The following RNPEPL1 variants were observed in gnomAD, a reference collection of about 807,000 sequenced individuals.
RNPEPL1 encodes arginyl aminopeptidase like 1, also known as aminopeptidase RNPEPL1.
RNPEPL1 carries 46 observed loss-of-function variants against 69.0 expected under a neutral mutation model. The observed-to-expected ratio is 0.67, with a 90% CI of 0.53 to 0.85. RNPEPL1 has a LOEUF of 0.85. RNPEPL1 is among the 40% of genes least tolerant of loss of function. RNPEPL1 has a pLI of 0.00. For missense variants in RNPEPL1, 869 were observed against 992.5 expected, an observed-to-expected ratio of 0.88 and a Z score of 1.67; for synonymous variants, 525 against 454.1, an observed-to-expected ratio of 1.16 and a Z score of -1.98.
rs182396445 is a variant in RNPEPL1 at position 240,576,296 on chromosome 2, G to C, written c.1511-239G>C. On this transcript the variant is annotated intron_variant, in intron 8 of 10. Transcript: ENST00000270357. The stretch of plus-strand genomic sequence containing the variant: ...CACCCAGGAGAGGCGTGGAGTGGGT[G>C]CGAGTCCCTTGGTCACCAACCCAAG... The C allele has an allele frequency of 3.0e-4, 176 of 583,918 alleles. No homozygotes were observed. In the East Asian group the frequency reaches 4.8e-3, roughly 16 times the overall value. The allele number at this position is 583,918 out of a possible 1,614,324, so 36.2% of individuals were successfully genotyped here. A position where few individuals can be genotyped will look rare whatever the true frequency, so the allele number is the denominator to read the frequency against.
intron 2 of RNPEPL1, 56 bp from the exon 3 acceptor site, chr2:240,573,054 G>T: frequency 6.6e-7 from 1 of 1,519,014 alleles, no homozygotes; most frequent in South Asian, 1.3e-5. Flanking sequence ...TCCCCGGCCG[G>T]GGCTATGGGT....
At position 240,577,056 on chromosome 2, in the gene RNPEPL1, G is replaced by C. The variant is rs536934431; in HGVS notation, c.1884+66G>C. 32 of 1,591,390 alleles carry C rather than the reference G, an allele frequency of 2.0e-5. No individual in the cohort carries two copies. The South Asian group carries it at 2.4e-4, about 12-fold the overall frequency. Reference sequence around the variant, plus strand: ...GCCGTGCGGACTGGGAGTCCCACCCGACTCCCTAGTCTGAGCCCTTGGGGC... The same window carrying C: ...GCCGTGCGGACTGGGAGTCCCACCCCACTCCCTAGTCTGAGCCCTTGGGGC... On this transcript the variant is annotated intron_variant, in intron 10 of 10. Transcript: ENST00000270357.
At chr2:240,569,335 T>G in intron 1 of RNPEPL1, 3 of 480,898 alleles carry the variant, frequency 6.2e-6, no homozygotes, top group African/African-American at 2.1e-5. Flanking sequence ...CCGGGAAGCC[T>G]CCCGTTCAGG....
intron 1 of RNPEPL1, 97 bp from the exon 2 acceptor site, chr2:240,572,326 C>T (rs1015587647): frequency 2.3e-5 from 33 of 1,406,134 alleles, no homozygotes; most frequent in Non-Finnish European, 3.2e-5. Flanking sequence ...ATTGTCCCCT[C>T]CCAGAGCCTC....
chr2:240,576,116 A>T, intron 8 of RNPEPL1: 1 of 270,964 alleles, frequency 3.7e-6, no homozygotes, highest in Non-Finnish European at 7.1e-6. Flanking sequence ...CAGCAAGTGC[A>T]TCAAGAGCTT....
At chr2:240,573,433 T>C (rs918623639) in intron 3 of RNPEPL1, among the ~76,000 whole-genome samples, 172 bp downstream of exon 3, 2 of 77,464 alleles carry the variant, frequency 2.6e-5, no homozygotes, top group South Asian at 3.6e-4. Context: ...CTGCCACCCA[T>C]GTGCCCTCAG....
chr2:240,573,785 T>G lies in RNPEPL1; in HGVS notation c.832T>G (p.Trp278Gly). Reference protein sequence around the residue: ...PADIGPRSRVWAEPCLLPTAT... With the variant: ...PADIGPRSRVGAEPCLLPTAT... ...CTCTGCATGCACCAGGAGCCGCGTG[T>G]GGGCCGAGCCATGCCTCCTGCCCAC... Residue 278 changes from tryptophan to glycine, a missense_variant, in exon 4 of 11, where the codon TGG becomes GGG. Physicochemically the swap from Trp to Gly is radical, Grantham distance 184 (BLOSUM62 -2). This residue lies in a region of RNPEPL1 where 610 missense variants were observed against 790.9 expected (regional missense o/e 0.77). Coordinates refer to ENST00000270357, the MANE Select transcript of RNPEPL1 (RefSeq NM_018226.6). 6.5e-7 allele frequency: 1 copy of G among 1,542,990 alleles called. No homozygotes were observed. Among genetic ancestry groups the G allele is most frequent in the Non-Finnish European group, 8.7e-7 (1 of 1,142,970 alleles).
rs2093030821 is a variant in RNPEPL1, at chr2:240,574,165, C to T, written c.991C>T (p.Pro331Ser). The change falls in exon 5 of 11, where the codon CCC becomes TCC. Residue 331 changes from proline to serine, a missense_variant. Pro to Ser is a moderately conservative substitution (Grantham distance 74). Around this residue, in one of 2 missense-constraint regions of RNPEPL1, gnomAD observed 610 missense variants for 790.9 expected, o/e 0.77. Transcript: ENST00000270357. ...PSFPIVAMEN[P>S]CLTFIISSIL... ...CTTCCCCATCGTGGCCATGGAGAAC[C>T]CCTGCCTCACCTTCATCATCTCCTC... is the stretch of plus-strand genomic sequence containing the variant. The T allele has an allele frequency of 6.2e-7, 1 of 1,613,504 alleles. No individual in the cohort carries two copies. The highest frequency in any genetic ancestry group is 1.3e-5 in the African/African-American group (1 of 75,016).
chr2:240,568,967 C>T lies in RNPEPL1; in HGVS notation c.381C>T (p.Gly127=), dbSNP rs1164119688. The change falls in exon 1 of 11, where the codon GGC becomes GGT. Residue 127 remains glycine, a synonymous_variant. Transcript: ENST00000270357. This position sits in a 1 kb window ranked among gnomAD's most constrained non-coding sequence, Gnocchi z 6.2. ...PPLPAFPEAP[G]SEPACCPLAF... ...TGCCCGCCTTCCCCGAGGCGCCCGGCTCCGAGCCCGCCTGCTGTCCGCTGG... is the reference window on the plus strand; with the variant it reads ...TGCCCGCCTTCCCCGAGGCGCCCGGTTCCGAGCCCGCCTGCTGTCCGCTGG... The T allele has an allele frequency of 2.1e-6, 3 of 1,456,064 alleles. No individual in the cohort carries two copies. The highest frequency in any genetic ancestry group is 2.7e-6 in the Non-Finnish European group (3 of 1,106,538). 90.2% of individuals were successfully genotyped at this position (1,456,064 alleles called of 1,614,324 possible).
chr2:240,575,055 C>T lies in RNPEPL1; in HGVS notation c.1314C>T (p.Asn438=), dbSNP rs1285281825. The stretch of plus-strand genomic sequence containing the variant: ...GAGTGAATCCCAGCCACCTGATGAA[C>T]CTGTTCACCTACGAGAAGGGCTACT... The part of the protein sequence containing the change: ...EPGVNPSHLM[N]LFTYEKGYCF... Residue 438 remains asparagine (N), a synonymous_variant, in exon 7 of 11, where the codon AAC becomes AAT. Transcript: ENST00000270357. 18 of 1,613,676 alleles carry T rather than the reference C, an allele frequency of 1.1e-5. No homozygotes were observed. Among genetic ancestry groups the T allele is most frequent in the Non-Finnish European group, 1.4e-5 (17 of 1,179,988 alleles).
Position 240,576,856 on chromosome 2 carries a change from A to G in RNPEPL1, c.1750A>G (p.Met584Val). The G allele has an allele frequency of 6.2e-7, 1 of 1,613,044 alleles. No individual in the cohort carries two copies. The highest frequency in any genetic ancestry group is 8.5e-7 in the Non-Finnish European group (1 of 1,179,942). Residue 584 changes from methionine to valine, a missense_variant, in exon 10 of 11, where the codon ATG becomes GTG. Transcript: ENST00000270357. ...DGSPLPQEVV[M>V]SLSKCYSSLL... is the part of the protein sequence containing the mutation. ...TGCCCCCTGCGCTGCAGAGGTGGTG[A>G]TGAGCCTGTCCAAGTGCTACTCCTC...
rs183854589 is a variant in RNPEPL1, at chr2:240,577,809, G to T, written c.2095G>T (p.Asp699Tyr). 2 of 1,608,812 alleles carry T rather than the reference G, an allele frequency of 1.2e-6. No individual in the cohort carries two copies. The highest frequency in any genetic ancestry group is 1.7e-6 in the Non-Finnish European group (2 of 1,176,828). ...GCTGGGCAAGGCTGAAGCAGACACA[G>T]ACTCGGACGCACAGGCCCTGCTGCT... is the stretch of plus-strand genomic sequence containing the variant. Reference protein sequence around the residue: ...TELGKAEADTDSDAQALLLGD... With the variant: ...TELGKAEADTYSDAQALLLGD... Residue 699 changes from aspartate to tyrosine, a missense_variant, in exon 11 of 11, where the codon GAC becomes TAC. Physicochemically the swap from Asp to Tyr is radical, Grantham distance 160 (BLOSUM62 -3). Around this residue, in one of 2 missense-constraint regions of RNPEPL1, gnomAD observed 610 missense variants for 790.9 expected, o/e 0.77. Coordinates refer to ENST00000270357, the MANE Select transcript of RNPEPL1 (RefSeq NM_018226.6).
intron 6 of RNPEPL1, 120 bp downstream of exon 6, chr2:240,574,748 C>A: frequency 1.1e-6 from 1 of 927,304 alleles, no homozygotes; most frequent in Non-Finnish European, 1.6e-6. Context: ...TGGACCCCTG[C>A]CAAGGCCAAG....
Position 240,568,667 on chromosome 2 carries a change from C to A in RNPEPL1, c.81C>A (p.Ala27=). 9.6e-7 allele frequency: 1 copy of A among 1,037,368 alleles called. No individual in the cohort carries two copies. The highest frequency in any genetic ancestry group is 1.2e-6 in the Non-Finnish European group (1 of 862,944). The allele number at this position is 1,037,368 out of a possible 1,614,324, so 64.3% of individuals were successfully genotyped here. The part of the protein sequence containing the change: ...PVRPPPEPPP[A]LDVASASSAQ... ...GCCCGCCGCCCGAGCCGCCGCCCGC[C>A]CTGGACGTGGCCTCGGCCTCCAGCG... Residue 27 remains alanine, a synonymous_variant, in exon 1 of 11, where the codon GCC becomes GCA. Coordinates refer to ENST00000270357, the MANE Select transcript of RNPEPL1 (RefSeq NM_018226.6). This position sits in a 1 kb window ranked among gnomAD's most constrained non-coding sequence, Gnocchi z 6.2.
In RNPEPL1 at chr2:240,568,817, C is replaced by G. The variant is rs765246757; in HGVS notation, c.231C>G (p.Leu77=). The G allele has an allele frequency of 9.0e-7, 1 of 1,114,630 alleles. No homozygotes were observed. The highest frequency in any genetic ancestry group is 3.0e-5 in the South Asian group (1 of 33,006). 69.0% of individuals were successfully genotyped at this position (1,114,630 alleles called of 1,614,324 possible). ...GGCCCGCGCCCCGCGCGCTCGTGCT[C>G]GACGCGCACCCGGCTCTGCGCCTGC... The part of the protein sequence containing the change: ...ALRPAPRALV[L]DAHPALRLHS... Residue 77 remains leucine (L), a synonymous_variant, in exon 1 of 11, where the codon CTC becomes CTG. Coordinates refer to ENST00000270357, the MANE Select transcript of RNPEPL1 (RefSeq NM_018226.6). The surrounding 1 kb of genome is among the most constrained non-coding windows in gnomAD (Gnocchi z 6.2).
rs1221208530 is a variant in RNPEPL1 at position 240,573,843 on chromosome 2, A to G, written c.890A>G (p.Gln297Arg). 6.4e-7 allele frequency: 1 copy of G among 1,558,610 alleles called. No homozygotes were observed. Among genetic ancestry groups the G allele is most frequent in the African/African-American group, 1.4e-5 (1 of 73,410 alleles). Residue 297 changes from glutamine to arginine, a missense_variant, in exon 4 of 11, where the codon CAG (glutamine) becomes CGG (arginine). Physicochemically the swap from Gln to Arg is conservative, Grantham distance 43 (BLOSUM62 1). Transcript: ENST00000270357. ...ATSKLSGAVE[Q>R]WLSAAERLYG... is the part of the protein sequence containing the mutation. ...AGCAAGCTGTCGGGCGCAGTGGAGC[A>G]GTGGCTGAGTGCAGCTGAGCGGCTG...
At chr2:240,575,975 G>C (rs1333166721) in intron 8 of RNPEPL1, 2 of 304,064 alleles carry the variant, frequency 6.6e-6, no homozygotes, top group African/African-American at 4.2e-5. Context: ...AGGTGTCCCT[G>C]AGGGTCTGAG....
chr2:240,576,033 G>A (rs767503191), intron 8 of RNPEPL1: 11 of 260,306 alleles, frequency 4.2e-5, no homozygotes, highest in South Asian at 1.6e-4. Context: ...TTGAGGGAGA[G>A]GCCAGAATTG....
intron 1 of RNPEPL1, among the ~76,000 whole-genome samples, chr2:240,570,060 G>A (rs918841057): frequency 1.3e-5 from 2 of 152,206 alleles, no homozygotes; most frequent in African/African-American, 2.4e-5. Flanking sequence ...TGTGCAGGCC[G>A]CTGGCTAGCC....
Sources: allele counts gnomAD v4.1 joint callset (sites outside exome capture counted in the v4.1 genomes callset), GRCh38; gene constraint gnomAD v4.1.1; regional missense constraint gnomAD v4.1.1; non-coding constraint Gnocchi (gnomAD v3.1); transcripts MANE v1.5; gene names NCBI Gene and HGNC (gene_info 2026-07-23, HGNC 2026-07-21).